DCAF16: variants seen among roughly 807,000 people sequenced by gnomAD.
DCAF16 encodes DDB1 and CUL4 associated factor 16, also known as DDB1- and CUL4-associated factor 16.
In DCAF16, 10 loss-of-function variants were observed where a neutral mutation model predicts 17.3. The observed-to-expected ratio is 0.58, with a 90% CI of 0.36 to 0.98. The LOEUF (loss-of-function observed/expected upper bound fraction) is 0.98, where lower values mean the gene tolerates loss of function less well. Ranked by LOEUF, DCAF16 falls within the 50% of genes least tolerant of loss-of-function variation. DCAF16 has a pLI of 0.01. For missense variants in DCAF16, 249 were observed against 247.6 expected (o/e 1.01, Z -0.04); for synonymous variants, 111 against 92.8 (o/e 1.20, Z -1.12).
At chr4:17,809,749 T>A (rs573828351) in intron 1 of DCAF16, 1 of 151,792 alleles carries the variant, frequency 6.6e-6, no homozygotes, top group South Asian at 2.1e-4. Context: ...CGCAGAGGAG[T>A]CCCACCATGG....
chr4:17,810,195 A>C (rs903857519), intron 1 of DCAF16, among the ~76,000 whole-genome samples: 2 of 152,026 alleles, frequency 1.3e-5, no homozygotes, highest in Non-Finnish European at 2.9e-5. Flanking sequence ...CCTAGTTCCT[A>C]CTCTTCTTTA....
In DCAF16 at chr4:17,804,636, T is replaced by C. The variant is rs1720138629; in HGVS notation, c.-495A>G. ...ATAGCAACTTTTGTGCAGGGGGGAATGACGGGATGAGCTGTCAAGAACATC... is the reference window on the plus strand; with the variant it reads ...ATAGCAACTTTTGTGCAGGGGGGAACGACGGGATGAGCTGTCAAGAACATC... On this transcript the variant is annotated 5_prime_UTR_variant, in exon 3 of 3. Transcript: ENST00000382247. 1.1e-5 allele frequency: 2 copies of C among 177,012 alleles called. No individual in the cohort carries two copies. The highest frequency in any genetic ancestry group is 1.2e-4 in the Admixed American group (2 of 17,298). The allele number at this position is 177,012 out of a possible 1,614,324, so 11.0% of individuals were successfully genotyped here.
At chr4:17,798,374 G>A (rs1442355901), downstream of DCAF16, among the ~76,000 whole-genome samples, 1 of 144,392 alleles carries the variant, frequency 6.9e-6, no homozygotes, top group Non-Finnish European at 1.5e-5. Context: ...GGAGGCTGAT[G>A]TGGGAGGATC....
intron 1 of DCAF16, among the ~76,000 whole-genome samples, chr4:17,807,800 G>A (rs1325327117): frequency 6.6e-6 from 1 of 152,224 alleles, no homozygotes; most frequent in Admixed American, 6.5e-5. Flanking sequence ...ATGCTACTCT[G>A]TAGGGGGGAT....
At chr4:17,796,025 T>C (rs765075842), downstream of DCAF16, among the ~76,000 whole-genome samples, 2 of 152,224 alleles carry the variant, frequency 1.3e-5, no homozygotes, top group African/African-American at 2.4e-5. Context: ...TTAATCATTT[T>C]GTCTTCCATA....
the DCAF16 span, among the ~76,000 whole-genome samples, chr4:17,794,979 C>A: frequency 6.6e-6 from 1 of 152,186 alleles, no homozygotes; most frequent in African/African-American, 2.4e-5. Flanking sequence ...TTTGTGACAT[C>A]TTTTAGTTTC....
chr4:17,801,947 CA>C lies in DCAF16; in HGVS notation c.*1543del. ...TGAAACCCTGTCTCTACTAAAAATA[CA>C]AAAAAATAGCCAGGAGTGGTGGTGG... On this transcript the variant is annotated 3_prime_UTR_variant, in exon 3 of 3. Coordinates refer to ENST00000382247, the MANE Select transcript of DCAF16 (RefSeq NM_017741.4). The C allele has an allele frequency of 6.6e-6, 1 of 151,824 alleles. No homozygotes were observed. Among genetic ancestry groups the C allele is most frequent in the Non-Finnish European group, 1.5e-5 (1 of 67,986 alleles). 9.4% of individuals were successfully genotyped at this position (151,824 alleles called of 1,614,324 possible). A position where few individuals can be genotyped will look rare whatever the true frequency, so the allele number is the denominator to read the frequency against.
At chr4:17,805,971 C>G (rs924447649) in intron 1 of DCAF16, among the ~76,000 whole-genome samples, 12 of 152,080 alleles carry the variant, frequency 7.9e-5, no homozygotes, top group Non-Finnish European at 1.6e-4. Flanking sequence ...TTCTCTACAA[C>G]AACAACAACA....
In DCAF16 at chr4:17,802,447, A is replaced by G. The variant is rs932469476; in HGVS notation, c.*1044T>C. On this transcript the variant is annotated 3_prime_UTR_variant, in exon 3 of 3. Transcript: ENST00000382247. ...TCATGCTGTAATTTTAAGTACCATAATAAGTTTGTAGTAGTATAGGCTAGG... is the reference window on the plus strand; with the variant it reads ...TCATGCTGTAATTTTAAGTACCATAGTAAGTTTGTAGTAGTATAGGCTAGG... 8 of 152,136 alleles carry G rather than the reference A, an allele frequency of 5.3e-5. No homozygotes were observed. The highest frequency in any genetic ancestry group is 7.4e-5 in the Non-Finnish European group (5 of 68,020). The allele number at this position is 152,136 out of a possible 1,614,324, so 9.4% of individuals were successfully genotyped here.
intron 2 of DCAF16, 66 bp from the exon 3 acceptor site, chr4:17,804,837 T>C (rs998072368): frequency 6.0e-6 from 1 of 166,370 alleles, no homozygotes; most frequent in African/African-American, 2.4e-5. Context: ...CTTCAAGATA[T>C]CTAAAATCAG....
At chr4:17,796,197 CT>C (rs1455190308), downstream of DCAF16, among the ~76,000 whole-genome samples, 1 of 152,182 alleles carries the variant, frequency 6.6e-6, no homozygotes, top group Non-Finnish European at 1.5e-5. Context: ...CTTGTTTCAA[CT>C]TTCTTTATTA....
At chr4:17,795,180 A>C in the DCAF16 span, among the ~76,000 whole-genome samples, 1 of 152,196 alleles carries the variant, frequency 6.6e-6, no homozygotes, top group African/African-American at 2.4e-5. Flanking sequence ...TTTCTTTTTA[A>C]ATTTAAAGAC....
At chr4:17,795,376 G>A in the DCAF16 span, among the ~76,000 whole-genome samples, 5 of 126,922 alleles carry the variant, frequency 3.9e-5, no homozygotes, top group African/African-American at 2.0e-4. Flanking sequence ...TCATTTCACA[G>A]GGCACTTAGT....
rs1719858842 is a variant in DCAF16, at chr4:17,802,233, A to G, written c.*1258T>C. The G allele has an allele frequency of 6.5e-6, 1 of 152,672 alleles. No individual in the cohort carries two copies. Among genetic ancestry groups the G allele is most frequent in the South Asian group, 2.1e-4 (1 of 4,838 alleles). 9.5% of individuals were successfully genotyped at this position (152,672 alleles called of 1,614,324 possible). A position where few individuals can be genotyped will look rare whatever the true frequency, so the allele number is the denominator to read the frequency against. ...TAATCCATTAGCAGTTAATGCTGAA[A>G]GCAGAAATGCTCTCTTAATCATTTT... On this transcript the variant is annotated 3_prime_UTR_variant, in exon 3 of 3. Coordinates refer to ENST00000382247, the MANE Select transcript of DCAF16 (RefSeq NM_017741.4).
chr4:17,799,134 T>C (rs1444000145), downstream of DCAF16, among the ~76,000 whole-genome samples: 1 of 152,228 alleles, frequency 6.6e-6, no homozygotes, highest in African/African-American at 2.4e-5. Flanking sequence ...TAAATCTGGA[T>C]ACAAAATATC....
Position 17,803,717 on chromosome 4 carries a change from T to C in DCAF16, c.425A>G (p.Asn142Ser), listed in dbSNP as rs1339432700. The C allele has an allele frequency of 3.7e-6, 6 of 1,614,000 alleles. No homozygotes were observed. The highest frequency in any genetic ancestry group is 5.1e-6 in the Non-Finnish European group (6 of 1,180,040). ...TTTGGTGGCAAATTGCAGTGCTCCATTTAGAGTGGCATGATCTCTAGAGAG... is the reference window on the plus strand; with the variant it reads ...TTTGGTGGCAAATTGCAGTGCTCCACTTAGAGTGGCATGATCTCTAGAGAG... ...SRLSRDHATL[N>S]GALQFATKQL... Residue 142 changes from asparagine (N) to serine (S), a missense_variant, in exon 3 of 3, where the codon AAT (asparagine) becomes AGT (serine). Transcript: ENST00000382247.
At chr4:17,806,602 GAACA>G (rs1474188858) in intron 1 of DCAF16, among the ~76,000 whole-genome samples, 1 of 152,072 alleles carries the variant, frequency 6.6e-6, no homozygotes, top group Non-Finnish European at 1.5e-5. Context: ...CTCTTGGATG[GAACA>G]AATATCATAA....
downstream of DCAF16, among the ~76,000 whole-genome samples, chr4:17,798,958 A>G (rs778039089): frequency 1.6e-3 from 251 of 152,308 alleles, 2 homozygotes; most frequent in Middle Eastern, 0.034. Flanking sequence ...CCTCAGTCCA[A>G]TGGGTATCAC....
chr4:17,793,966 T>G, the DCAF16 span, among the ~76,000 whole-genome samples: 6 of 152,054 alleles, frequency 3.9e-5, no homozygotes, highest in Non-Finnish European at 8.8e-5. Context: ...AAAAATTCAC[T>G]CTCAGACTAT....
Sources: allele counts gnomAD v4.1 joint callset (sites outside exome capture counted in the v4.1 genomes callset), GRCh38; gene constraint gnomAD v4.1.1; transcripts MANE v1.5; gene names NCBI Gene and HGNC (gene_info 2026-07-23, HGNC 2026-07-21).